SLC44A3: variants seen among roughly 807,000 people sequenced by gnomAD.
SLC44A3 encodes the protein solute carrier family 44 member 3.
SLC44A3 carries 74 observed loss-of-function variants against 75.4 expected under a neutral mutation model. The ratio of observed to expected loss-of-function variants is 0.98; its 90% CI spans 0.81 to 1.19. SLC44A3 has a LOEUF of 1.19. Among genes scored for constraint, SLC44A3 ranks in the 50% most tolerant of loss-of-function variants. SLC44A3 has a pLI of 0.00. For synonymous variants in SLC44A3, 310 were observed against 296.9 expected (o/e 1.04, Z -0.45); for missense variants, 700 against 778.6 (o/e 0.90, Z 1.20).
chr1:94,870,680 GTTTTTGTTTTCT>G lies in SLC44A3; in HGVS notation c.1482+3267_1482+3278del, dbSNP rs912837145. ...ATCAGTTGTTAGGTTTTTTGTTTTCGTTTTTGTTTTCTTTTGTTTGAGACGGAGTTTTGCTCC... is the reference window on the plus strand; with the variant it reads ...ATCAGTTGTTAGGTTTTTTGTTTTCGTTTGTTTGAGACGGAGTTTTGCTCC... On this transcript the variant is annotated intron_variant, in intron 12 of 14. Coordinates refer to ENST00000271227, the MANE Select transcript of SLC44A3 (RefSeq NM_001114106.3). Among the ~76,000 whole-genome samples the G allele has an allele frequency of 7.0e-4, 107 of 152,172 alleles. 1 individual carries two copies. The highest frequency in any genetic ancestry group is 2.5e-3 in the African/African-American group (105 of 41,526).
intron 12 of SLC44A3, among the ~76,000 whole-genome samples, chr1:94,876,127 G>A (rs1175388370): frequency 2.6e-5 from 4 of 152,196 alleles, no homozygotes; most frequent in Non-Finnish European, 5.9e-5. Context: ...GGGCCGGGCC[G>A]TCATCTGTGA....
chr1:94,842,197 C>G lies in SLC44A3; in HGVS notation c.885+73C>G, dbSNP rs1663748471. 6.1e-6 allele frequency: 9 copies of G among 1,482,180 alleles called. 1 individual carries two copies. The South Asian group carries it at 1.3e-4, about 22-fold the overall frequency. The allele number at this position is 1,482,180 out of a possible 1,614,324, so 91.8% of individuals were successfully genotyped here. On this transcript the variant is annotated intron_variant, in intron 8 of 14. Transcript: ENST00000271227. ...TGAAATCCAAATCATTGAATTCTAG[C>G]CAAAAACAACTATAATTTGTTTTTC...
At chr1:94,837,926 A>T in intron 6 of SLC44A3, 55 bp downstream of exon 6, 1 of 1,421,816 alleles carries the variant, frequency 7.0e-7, no homozygotes, top group Admixed American at 2.3e-5. Flanking sequence ...CAAAGTTCCT[A>T]GCATTTTATA....
chr1:94,884,814 C>T (rs1250481448), intron 12 of SLC44A3, among the ~76,000 whole-genome samples: 4 of 152,254 alleles, frequency 2.6e-5, no homozygotes, highest in East Asian at 3.9e-4. Context: ...AGTAAAAAAA[C>T]GCTCTTTCTA....
intron 12 of SLC44A3, among the ~76,000 whole-genome samples, chr1:94,883,165 A>C (rs948506152): frequency 6.6e-6 from 1 of 151,678 alleles, no homozygotes; most frequent in Non-Finnish European, 1.5e-5. Flanking sequence ...CAGGTGTGTG[A>C]AGGGGCAGGC....
chr1:94,824,952 C>A (rs1661102985), intron 3 of SLC44A3, among the ~76,000 whole-genome samples: 2 of 152,232 alleles, frequency 1.3e-5, no homozygotes, highest in South Asian at 4.1e-4. Context: ...TGAGACACTG[C>A]ATGAGCTAAA....
intron 12 of SLC44A3, among the ~76,000 whole-genome samples, chr1:94,868,817 AT>A (rs1325286596): frequency 6.6e-6 from 1 of 152,262 alleles, no homozygotes. Context: ...TTGACCTGTT[AT>A]CCCCTCTCAC....
chr1:94,826,964 C>G (rs1661437027), intron 3 of SLC44A3, among the ~76,000 whole-genome samples: 1 of 152,164 alleles, frequency 6.6e-6, no homozygotes, highest in Non-Finnish European at 1.5e-5. Flanking sequence ...TTCTTGTCCC[C>G]CCTCTGCCCT....
intron 5 of SLC44A3, among the ~76,000 whole-genome samples, chr1:94,836,057 T>A (rs1662742445): frequency 6.6e-6 from 1 of 152,228 alleles, no homozygotes; most frequent in African/African-American, 2.4e-5. Flanking sequence ...CTTCCACGTG[T>A]TCTATGTTGT....
chr1:94,820,527 T>C, intron 1 of SLC44A3, 49 bp downstream of exon 1: 1 of 1,479,146 alleles, frequency 6.8e-7, no homozygotes, highest in African/African-American at 1.4e-5. Flanking sequence ...CGGGGAAGGG[T>C]CGAGTCCCCC....
chr1:94,867,017 A>G (rs746233677), intron 11 of SLC44A3, among the ~76,000 whole-genome samples: 1 of 152,106 alleles, frequency 6.6e-6, no homozygotes, highest in Non-Finnish European at 1.5e-5. Context: ...TCAGACACTT[A>G]AGGGCAGATG....
intron 12 of SLC44A3, among the ~76,000 whole-genome samples, chr1:94,884,288 C>A (rs960424486): frequency 2.6e-5 from 4 of 151,914 alleles, no homozygotes; most frequent in Admixed American, 2.0e-4. Flanking sequence ...GGGATCTGAA[C>A]GGTGAATGCA....
chr1:94,841,233 A>T (rs1663594030), intron 7 of SLC44A3, among the ~76,000 whole-genome samples: 2 of 152,208 alleles, frequency 1.3e-5, no homozygotes, highest in African/African-American at 4.8e-5. Context: ...TATTAATCTC[A>T]TGAACCACCA....
At chr1:94,847,992 G>T (rs771678766) in intron 9 of SLC44A3, among the ~76,000 whole-genome samples, 26 of 152,178 alleles carry the variant, frequency 1.7e-4, no homozygotes, top group Non-Finnish European at 3.2e-4. Flanking sequence ...ACTTTGGGAG[G>T]CCAAGGCGGG....
chr1:94,830,931 G>A (rs987850462), intron 5 of SLC44A3, among the ~76,000 whole-genome samples: 11 of 152,160 alleles, frequency 7.2e-5, no homozygotes, highest in Non-Finnish European at 1.3e-4. Context: ...CTCAGAAAAC[G>A]TCTATATTGT....
At position 94,859,073 on chromosome 1, in the gene SLC44A3, C is replaced by T. The variant is rs190613548; in HGVS notation, c.1238+1573C>T. ...CAGAGGACTCACAGAGGGGCTGTTG[C>T]CCTTGGCATTGAGAACCTCCAAGCA... On this transcript the variant is annotated intron_variant, in intron 10 of 14. Transcript: ENST00000271227. 1.3e-3 allele frequency among the ~76,000 whole-genome samples: 195 copies of T among 152,238 alleles called. 4 individuals carry two copies. The highest frequency in any genetic ancestry group is 1.3e-4 in the Non-Finnish European group (9 of 68,020).
chr1:94,891,093 TA>T, intron 12 of SLC44A3, 36 bp from the exon 13 acceptor site: 1 of 1,553,982 alleles, frequency 6.4e-7, no homozygotes, highest in Non-Finnish European at 8.7e-7. Flanking sequence ...ACAATTGTTA[TA>T]AGAATTATCT....
intron 5 of SLC44A3, among the ~76,000 whole-genome samples, chr1:94,831,961 G>A (rs1193871351): frequency 1.3e-5 from 2 of 152,054 alleles, no homozygotes; most frequent in African/African-American, 4.8e-5. Context: ...ATCACCTGAG[G>A]TCAGGACCAG....
intron 12 of SLC44A3, among the ~76,000 whole-genome samples, chr1:94,881,476 G>A (rs189777697): frequency 5.3e-5 from 8 of 152,026 alleles, no homozygotes; most frequent in Non-Finnish European, 1.0e-4. Flanking sequence ...AGGCTGAGGC[G>A]GGCGGATCAC....
Sources: allele counts gnomAD v4.1 joint callset (sites outside exome capture counted in the v4.1 genomes callset), GRCh38; gene constraint gnomAD v4.1.1; transcripts MANE v1.5; gene names NCBI Gene and HGNC (gene_info 2026-07-23, HGNC 2026-07-21).